GPC3: variants seen among roughly 807,000 people sequenced by gnomAD.
The protein encoded by GPC3 is glypican-3.
Under a neutral mutation model 34.4 loss-of-function variants are expected in GPC3, and 3 were observed. The observed-to-expected ratio is 0.09, with a 90% CI of 0.04 to 0.23. The LOEUF is 0.23. GPC3 is among the 10% of genes least tolerant of loss of function. The pLI, the probability that GPC3 is intolerant of heterozygous loss-of-function variation, is 1.00. For missense variants in GPC3, 351 were observed against 445.6 expected, an observed-to-expected ratio of 0.79 and a Z score of 1.91; for synonymous variants, 177 against 174.0, an observed-to-expected ratio of 1.02 and a Z score of -0.13.
chrX:133,868,145 C>T (rs1569447742), intron 2 of GPC3, among the ~76,000 whole-genome samples: 2 of 112,062 alleles, frequency 1.8e-5, no homozygotes, highest in Non-Finnish European at 3.8e-5. Flanking sequence ...CTGGTTAACA[C>T]TTAAACCATC....
intron 7 of GPC3, among the ~76,000 whole-genome samples, chrX:133,541,037 G>A (rs140304018): frequency 0.023 from 2,464 of 108,885 alleles, 33 homozygotes; most frequent in Non-Finnish European, 0.035. Flanking sequence ...GGTGGATTAG[G>A]AAAGTAAAAC....
chrX:133,792,564 CT>C (rs1217097765), intron 2 of GPC3, among the ~76,000 whole-genome samples: 2 of 110,977 alleles, frequency 1.8e-5, no homozygotes, highest in African/African-American at 6.6e-5. Context: ...TTGTTTCCCC[CT>C]AAGCTCCTGG....
chrX:133,563,585 A>C (rs2069557206), intron 7 of GPC3, among the ~76,000 whole-genome samples: 1 of 112,347 alleles, frequency 8.9e-6, no homozygotes, highest in Non-Finnish European at 1.9e-5. Flanking sequence ...AGTTCCAGCA[A>C]CTATTTTGCA....
intron 3 of GPC3, among the ~76,000 whole-genome samples, chrX:133,716,246 C>CA (rs961130843): frequency 6.5e-5 from 7 of 108,340 alleles, no homozygotes; most frequent in African/African-American, 1.3e-4. Flanking sequence ...TAGTTTTTGA[C>CA]AAAAAAAAAT....
chrX:133,954,740 T>TG (rs2076409043), intron 1 of GPC3, among the ~76,000 whole-genome samples: 1 of 75,207 alleles, frequency 1.3e-5, no homozygotes, highest in Admixed American at 1.5e-4. Context: ...AACTTTCTCT[T>TG]TTTTTTTTTT....
chrX:133,938,764 A>G (rs1360406915), intron 2 of GPC3, among the ~76,000 whole-genome samples: 2 of 112,085 alleles, frequency 1.8e-5, no homozygotes, highest in African/African-American at 3.2e-5. Flanking sequence ...ATGTACAAAC[A>G]TATGTTTGCA....
intron 2 of GPC3, among the ~76,000 whole-genome samples, chrX:133,864,080 A>T (rs1015894737): frequency 8.9e-6 from 1 of 112,074 alleles, no homozygotes; most frequent in Non-Finnish European, 1.9e-5. Context: ...GAATAGGGTC[A>T]AGTAACAGAT....
At chrX:133,637,914 A>G (rs1328133999) in intron 6 of GPC3, among the ~76,000 whole-genome samples, 1 of 111,656 alleles carries the variant, frequency 9.0e-6, no homozygotes, top group Non-Finnish European at 1.9e-5. Context: ...GACTGCTGGG[A>G]TTACAGGTGT....
intron 2 of GPC3, among the ~76,000 whole-genome samples, chrX:133,821,883 T>C (rs970093298): frequency 8.9e-6 from 1 of 111,785 alleles, no homozygotes; most frequent in Non-Finnish European, 1.9e-5. Flanking sequence ...AATAGATTGC[T>C]TTGGTTTGAT....
intron 4 of GPC3, among the ~76,000 whole-genome samples, chrX:133,698,113 T>C (rs1382315365): frequency 8.9e-6 from 1 of 112,094 alleles, no homozygotes; most frequent in Non-Finnish European, 1.9e-5. Context: ...ATATTGTTCA[T>C]GTACTCAACC....
At chrX:133,844,690 G>C (rs943672264) in intron 2 of GPC3, among the ~76,000 whole-genome samples, 3 of 111,456 alleles carry the variant, frequency 2.7e-5, no homozygotes, top group African/African-American at 6.5e-5. Flanking sequence ...GGCAAGACTT[G>C]TTTCACAAAA....
At chrX:133,961,624 A>G (rs2076441862) in intron 1 of GPC3, among the ~76,000 whole-genome samples, 1 of 111,838 alleles carries the variant, frequency 8.9e-6, no homozygotes, top group African/African-American at 3.3e-5. Flanking sequence ...GCCAAGGACT[A>G]TGCCCAGCCC....
At chrX:133,791,887 T>TG (rs1491313076) in intron 2 of GPC3, among the ~76,000 whole-genome samples, 1 of 84,845 alleles carries the variant, frequency 1.2e-5, no homozygotes. Context: ...TCTTTCTTTC[T>TG]TTTTTTTTTT....
intron 2 of GPC3, among the ~76,000 whole-genome samples, chrX:133,803,135 C>G (rs1268897452): frequency 9.0e-6 from 1 of 110,939 alleles, no homozygotes; most frequent in Non-Finnish European, 1.9e-5. Flanking sequence ...CCATGTTGGT[C>G]AGGGTGGTCT....
chrX:133,955,277 G>A lies in GPC3; in HGVS notation c.176-2066C>T, dbSNP rs1388504895. On this transcript the variant is annotated intron_variant, in intron 1 of 7. Transcript: ENST00000370818. ...CAGGACTTTGCTCACAGGGGACTTT[G>A]GCTTGAGGACTCCCCATTGACCTTG... Among the ~76,000 whole-genome samples the A allele has an allele frequency of 3.6e-5, 4 of 110,958 alleles. No homozygotes were observed. The Admixed American group carries it at 3.8e-4, about 11-fold the overall frequency.
chrX:133,953,374 G>A (rs1432365077), intron 1 of GPC3, among the ~76,000 whole-genome samples, 163 bp from the exon 2 acceptor site: 1 of 108,889 alleles, frequency 9.2e-6, no homozygotes, highest in African/African-American at 3.4e-5. Context: ...TCAAAATTAC[G>A]TTTCATCTTA....
At chrX:133,844,319 G>T (rs2075838313) in intron 2 of GPC3, among the ~76,000 whole-genome samples, 1 of 112,372 alleles carries the variant, frequency 8.9e-6, no homozygotes, top group Non-Finnish European at 1.9e-5. Flanking sequence ...ACTAGGTGAG[G>T]TGATTGTTGT....
chrX:133,868,585 A>G (rs1450450227), intron 2 of GPC3, among the ~76,000 whole-genome samples: 1 of 112,059 alleles, frequency 8.9e-6, no homozygotes, highest in Non-Finnish European at 1.9e-5. Flanking sequence ...TAACAACAAC[A>G]AATACAAGAT....
At chrX:133,689,032 A>G (rs2071035924) in intron 5 of GPC3, among the ~76,000 whole-genome samples, 1 of 111,272 alleles carries the variant, frequency 9.0e-6, no homozygotes, top group Non-Finnish European at 1.9e-5. Flanking sequence ...TGAGGTTACT[A>G]ACCAAGAAGG....
Sources: gnomAD v4.1 joint callset for allele counts (sites outside exome capture counted in the v4.1 genomes callset) on GRCh38, gnomAD v4.1.1 for gene constraint, MANE v1.5 for transcripts, NCBI Gene and HGNC (gene_info 2026-07-23, HGNC 2026-07-21) for gene names.